VMP1: variants seen among roughly 807,000 people sequenced by gnomAD.
The protein encoded by VMP1 is ectopic P-granules autophagy protein 3 homolog.
Under a neutral mutation model 56.0 loss-of-function variants are expected in VMP1, and 11 were observed. The ratio of observed to expected loss-of-function variants is 0.20; its 90% CI spans 0.12 to 0.32. VMP1 has a LOEUF of 0.32. VMP1 is among the 10% of genes least tolerant of loss of function. VMP1 has a pLI of 1.00. For synonymous variants in VMP1, 149 were observed against 165.0 expected (o/e 0.90, Z 0.74); for missense variants, 296 against 490.3 (o/e 0.60, Z 3.74).
intron 10 of VMP1, 140 bp from the exon 11 acceptor site, chr17:59,838,155 T>G: frequency 2.4e-6 from 1 of 410,826 alleles, no homozygotes; most frequent in Non-Finnish European, 4.4e-6. Context: ...TCAGCAGTTC[T>G]CTGATTTTTA....
chr17:59,824,600 CA>C (rs1395700604), intron 10 of VMP1, among the ~76,000 whole-genome samples: 1 of 141,906 alleles, frequency 7.0e-6, no homozygotes, highest in African/African-American at 2.6e-5. Flanking sequence ...GGACCAGGCG[CA>C]GTGGCCCACG....
intron 7 of VMP1, among the ~76,000 whole-genome samples, chr17:59,797,412 C>G (rs112864354): frequency 1.6e-4 from 25 of 151,776 alleles, no homozygotes; most frequent in Non-Finnish European, 3.7e-4. Context: ...ACCCTAATGT[C>G]CACCAACAAT....
Position 59,838,311 on chromosome 17 carries a change from G to A in VMP1, c.991G>A (p.Gly331Ser). 1 of 1,613,982 alleles carries A rather than the reference G, an allele frequency of 6.2e-7. No homozygotes were observed. Among genetic ancestry groups the A allele is most frequent in the South Asian group, 1.1e-5 (1 of 91,084 alleles). The stretch of plus-strand genomic sequence containing the variant: ...TGCTTCCAGTGCTGTCCCCGGCATA[G>A]GTCCATCTCTGCAGAAGCCATTTCA... The part of the protein sequence containing the change: ...VAFIGAVPGI[G>S]PSLQKPFQEY... The change falls in exon 11 of 12, where the codon GGT becomes AGT. Residue 331 changes from glycine (G) to serine (S), a missense_variant. Gly to Ser is a moderately conservative substitution (Grantham distance 56). Transcript: ENST00000262291.
chr17:59,746,952 G>A (rs955948002), intron 5 of VMP1, among the ~76,000 whole-genome samples: 5 of 152,074 alleles, frequency 3.3e-5, no homozygotes, highest in Non-Finnish European at 7.4e-5. Context: ...TATTCATCAG[G>A]TTCTCCAAAG....
At chr17:59,739,596 T>C (rs554211185) in intron 5 of VMP1, among the ~76,000 whole-genome samples, 42 of 149,228 alleles carry the variant, frequency 2.8e-4, no homozygotes, top group African/African-American at 8.9e-4. Context: ...TGGTGGCGGG[T>C]GCCTGTAGTC....
chr17:59,779,997 A>C (rs2036762449), intron 7 of VMP1, among the ~76,000 whole-genome samples: 1 of 152,146 alleles, frequency 6.6e-6, no homozygotes, highest in Non-Finnish European at 1.5e-5. Context: ...CTCAGTCTTT[A>C]TCTATCTACT....
chr17:59,729,990 C>T (rs1029424435), intron 1 of VMP1: 3 of 151,954 alleles, frequency 2.0e-5, no homozygotes, highest in African/African-American at 7.3e-5. Context: ...GGTCTATTAT[C>T]TGTCTTTTAC....
chr17:59,820,965 C>CTTTTTTTTTTTTTTTTTTTT (rs201428600), intron 10 of VMP1, among the ~76,000 whole-genome samples: 1 of 146,634 alleles, frequency 6.8e-6, no homozygotes. Flanking sequence ...GTCTTTCTTT[C>CTTTTTTTTTTTTTTTTTTTT]TTTTTTTTGT....
chr17:59,805,054 C>T (rs1354670186), intron 7 of VMP1, among the ~76,000 whole-genome samples: 2 of 152,058 alleles, frequency 1.3e-5, no homozygotes, highest in African/African-American at 2.4e-5. Context: ...AAAAGTAAAG[C>T]TCTCCATTAA....
chr17:59,807,626 AG>A (rs1329123353), intron 7 of VMP1, among the ~76,000 whole-genome samples: 1 of 152,064 alleles, frequency 6.6e-6, no homozygotes, highest in Non-Finnish European at 1.5e-5. Context: ...TGAGGTCAGG[AG>A]TTCAAGACCA....
chr17:59,817,753 G>A lies in VMP1; in HGVS notation c.954G>A (p.Glu318=), dbSNP rs749174492. 3 of 1,607,816 alleles carry A rather than the reference G, an allele frequency of 1.9e-6. No individual in the cohort carries two copies. In the South Asian group the frequency reaches 3.3e-5, roughly 18 times the overall value. The change falls in exon 10 of 12, where the codon GAG becomes GAA. Residue 318 remains glutamate, a synonymous_variant. Transcript: ENST00000262291. ...VIITFSKHIV[E]QMVAFIGAVP... ...TAACATTCAGCAAGCACATAGTGGA[G>A]CAAATGGTGGCTTTCATTGGGTAAG... is the stretch of plus-strand genomic sequence containing the variant.
At chr17:59,821,195 C>T (rs976693950) in intron 10 of VMP1, among the ~76,000 whole-genome samples, 3 of 151,936 alleles carry the variant, frequency 2.0e-5, no homozygotes, top group Non-Finnish European at 4.4e-5. Context: ...TGGTCTCGAT[C>T]TCCTGACCTC....
At chr17:59,811,820 G>A (rs1310483226) in intron 9 of VMP1, 34 bp downstream of exon 9, 1 of 1,350,800 alleles carries the variant, frequency 7.4e-7, no homozygotes, top group Non-Finnish European at 1.1e-6. Flanking sequence ...GCCTAATGAT[G>A]ATGAACCCAT....
intron 6 of VMP1, among the ~76,000 whole-genome samples, chr17:59,767,630 A>G (rs763787155): frequency 6.6e-6 from 1 of 152,122 alleles, no homozygotes; most frequent in Admixed American, 6.6e-5. Context: ...GAAAACCACT[A>G]TCTCGGCTGG....
Position 59,716,826 on chromosome 17 carries a change from C to T in VMP1, c.-27+9078C>T, listed in dbSNP as rs186322957. On this transcript the variant is annotated intron_variant, in intron 1 of 11. Transcript: ENST00000262291. ...GAAAGGAAATTATTGCACTCATTTA[C>T]TCCATGTGACTAATAACTGAATGAG... is the stretch of plus-strand genomic sequence containing the variant. Among the ~76,000 whole-genome samples, 353 of 152,184 alleles carry T rather than the reference C, an allele frequency of 2.3e-3. 6 individuals carry two copies. Among genetic ancestry groups the T allele is most frequent in the Non-Finnish European group, 3.1e-4 (21 of 68,026 alleles).
At chr17:59,729,498 C>T (rs559203918) in intron 1 of VMP1, among the ~76,000 whole-genome samples, 1 of 146,142 alleles carries the variant, frequency 6.8e-6, no homozygotes, top group Non-Finnish European at 1.5e-5. Context: ...AAAAAAAAAA[C>T]CTTTGGTCTG....
At chr17:59,824,037 G>A (rs900986856) in intron 10 of VMP1, among the ~76,000 whole-genome samples, 1 of 152,166 alleles carries the variant, frequency 6.6e-6, no homozygotes, top group African/African-American at 2.4e-5. Context: ...GATCACCTGA[G>A]GTCAGGAATT....
intron 7 of VMP1, among the ~76,000 whole-genome samples, chr17:59,799,212 T>G (rs1167758196): frequency 6.6e-6 from 1 of 152,212 alleles, no homozygotes; most frequent in Admixed American, 6.5e-5. Context: ...TATAATCTCT[T>G]CTTAAAACTT....
chr17:59,761,006 G>T (rs148241686), intron 5 of VMP1, among the ~76,000 whole-genome samples: 2 of 150,872 alleles, frequency 1.3e-5, no homozygotes, highest in African/African-American at 2.4e-5. Flanking sequence ...GGGTTCAAGC[G>T]ATTCTCCTGC....
Sources: allele counts gnomAD v4.1 joint callset (sites outside exome capture counted in the v4.1 genomes callset), GRCh38; gene constraint gnomAD v4.1.1; transcripts MANE v1.5; gene names NCBI Gene and HGNC (gene_info 2026-07-23, HGNC 2026-07-21).